The following FBXW7 variants were observed in gnomAD, a reference collection of about 807,000 sequenced individuals.
FBXW7 encodes the protein F-box and WD repeat domain containing 7.
In FBXW7, 11 loss-of-function variants were observed where a neutral mutation model predicts 86.3. The observed-to-expected ratio is 0.13, with a 90% confidence interval of 0.08 to 0.21. FBXW7 has a LOEUF of 0.21. Among genes scored for constraint, FBXW7 ranks in the 10% least tolerant of loss-of-function variants. The probability of loss-of-function intolerance (pLI) is 1.00; values close to 1 mark genes in which losing one functional copy is unlikely to be tolerated. For synonymous variants in FBXW7, 313 were observed against 297.9 expected (o/e 1.05, Z -0.52); for missense variants, 488 against 847.4 (o/e 0.58, Z 5.27).
chr4:152,370,445 T>TG (rs1247905646), intron 4 of FBXW7, among the ~76,000 whole-genome samples: 1 of 151,916 alleles, frequency 6.6e-6, no homozygotes, highest in Non-Finnish European at 1.5e-5. Context: ...ATGTATGGGG[T>TG]GGGGAGTGCT....
chr4:152,474,108 G>T (rs1324726828), intron 2 of FBXW7, among the ~76,000 whole-genome samples: 1 of 152,114 alleles, frequency 6.6e-6, no homozygotes, highest in East Asian at 1.9e-4. Flanking sequence ...AACCTAAATA[G>T]CCCACAGAAT....
At chr4:152,454,139 T>TA (rs1183164172) in intron 2 of FBXW7, among the ~76,000 whole-genome samples, 2 of 152,072 alleles carry the variant, frequency 1.3e-5, no homozygotes, top group African/African-American at 4.8e-5. Flanking sequence ...CATCTTATTT[T>TA]AAAAATGTAT....
At chr4:152,366,340 C>G (rs548587521) in intron 4 of FBXW7, among the ~76,000 whole-genome samples, 20 of 152,272 alleles carry the variant, frequency 1.3e-4, no homozygotes, top group African/African-American at 4.1e-4. Flanking sequence ...AAATGCCCAA[C>G]AGAATCTAAA....
intron 2 of FBXW7, among the ~76,000 whole-genome samples, chr4:152,450,497 C>T (rs1741814737): frequency 6.6e-6 from 1 of 152,198 alleles, no homozygotes; most frequent in South Asian, 2.1e-4. Context: ...CTCTGTCACA[C>T]TTTCAGATGC....
At chr4:152,451,840 T>C (rs1161629733) in intron 2 of FBXW7, 1 of 151,950 alleles carries the variant, frequency 6.6e-6, no homozygotes, top group African/African-American at 2.4e-5. Context: ...TGACACTATA[T>C]TTTAAAAATT....
chr4:152,442,679 A>T (rs1741006207), intron 2 of FBXW7, among the ~76,000 whole-genome samples: 1 of 152,214 alleles, frequency 6.6e-6, no homozygotes, highest in Non-Finnish European at 1.5e-5. Flanking sequence ...AGCAATAATG[A>T]CTCATTATAT....
At chr4:152,342,040 T>G (rs1730795591) in intron 6 of FBXW7, among the ~76,000 whole-genome samples, 1 of 151,848 alleles carries the variant, frequency 6.6e-6, no homozygotes. Flanking sequence ...AAAGTGGTTG[T>G]CTCAGAAAAG....
At position 152,322,252 on chromosome 4, in the gene FBXW7, T is replaced by G. The variant is rs368407115; in HGVS notation, c.*629A>C. The G allele has an allele frequency of 4.3e-6, 1 of 229,948 alleles. No homozygotes were observed. The highest frequency in any genetic ancestry group is 2.3e-5 in the African/African-American group (1 of 43,992). The allele number at this position is 229,948 out of a possible 1,614,324, so 14.2% of individuals were successfully genotyped here. On this transcript the variant is annotated 3_prime_UTR_variant, in exon 14 of 14. Coordinates refer to ENST00000281708, the MANE Select transcript of FBXW7 (RefSeq NM_001349798.2). ...TTTGAGCAACATATGCATTGAAGAA[T>G]GTATATGGAAGCAACAGTAAATAGA...
intron 2 of FBXW7, among the ~76,000 whole-genome samples, chr4:152,475,974 TCAA>T (rs1477505804): frequency 1.3e-5 from 2 of 152,168 alleles, no homozygotes; most frequent in East Asian, 3.8e-4. Flanking sequence ...TTTGTAGCTA[TCAA>T]CAAGCTGATT....
intron 4 of FBXW7, among the ~76,000 whole-genome samples, chr4:152,406,285 A>G (rs1737416539): frequency 6.6e-6 from 1 of 152,206 alleles, no homozygotes; most frequent in Non-Finnish European, 1.5e-5. Context: ...TTAGTCTACA[A>G]TGAAACCTCA....
chr4:152,480,437 T>C (rs1320288827), intron 2 of FBXW7, among the ~76,000 whole-genome samples: 2 of 152,034 alleles, frequency 1.3e-5, no homozygotes, highest in South Asian at 2.1e-4. Flanking sequence ...CAAAACAACA[T>C]TGAAATTTGT....
At chr4:152,393,448 G>C (rs919628272) in intron 4 of FBXW7, among the ~76,000 whole-genome samples, 1 of 151,990 alleles carries the variant, frequency 6.6e-6, no homozygotes, top group Admixed American at 6.6e-5. Flanking sequence ...TCTATACCAA[G>C]TAACAGAGTA....
chr4:152,451,061 A>G (rs902997583), intron 2 of FBXW7, among the ~76,000 whole-genome samples: 4 of 152,352 alleles, frequency 2.6e-5, no homozygotes. Context: ...GGTTGCAGAT[A>G]GATGGAGCTG....
rs556914172 is a variant in FBXW7 at position 152,427,932 on chromosome 4, A to G, written c.-119-15403T>C. ...GGTCTGACCTTTCAGACCTCCTGCA[A>G]AAGGTTCAGCAACCAGTGGTCCCCA... On this transcript the variant is annotated intron_variant, in intron 2 of 13. Coordinates refer to ENST00000281708, the MANE Select transcript of FBXW7 (RefSeq NM_001349798.2). Among the ~76,000 whole-genome samples, 7 of 152,294 alleles carry G rather than the reference A, an allele frequency of 4.6e-5. No individual in the cohort carries two copies. In the South Asian group the frequency reaches 1.2e-3, roughly 27 times the overall value.
chr4:152,411,961 T>C, intron 3 of FBXW7, 89 bp from the exon 4 acceptor site: 1 of 1,222,554 alleles, frequency 8.2e-7, no homozygotes, highest in Non-Finnish European at 1.1e-6. Context: ...CTAAATATCA[T>C]TAATGATTGC....
At chr4:152,477,534 GA>G (rs1560947023) in intron 2 of FBXW7, among the ~76,000 whole-genome samples, 2 of 151,978 alleles carry the variant, frequency 1.3e-5, no homozygotes, top group Non-Finnish European at 2.9e-5. Context: ...AAATTTGGGG[GA>G]AAAAATAGTA....
intron 2 of FBXW7, among the ~76,000 whole-genome samples, chr4:152,428,116 C>T (rs1739545709): frequency 6.6e-6 from 1 of 152,072 alleles, no homozygotes; most frequent in African/African-American, 2.4e-5. Context: ...GTAGGAAGTA[C>T]CCAAAATGAG....
At chr4:152,353,400 T>TA (rs1279832530) in intron 4 of FBXW7, among the ~76,000 whole-genome samples, 1 of 152,212 alleles carries the variant, frequency 6.6e-6, no homozygotes, top group African/African-American at 2.4e-5. Context: ...ATTGATTTAA[T>TA]AAAAACATTG....
At chr4:152,533,416 C>T (rs1414201755) in intron 2 of FBXW7, among the ~76,000 whole-genome samples, 3 of 152,076 alleles carry the variant, frequency 2.0e-5, no homozygotes, top group East Asian at 1.9e-4. Flanking sequence ...AAACAGAATA[C>T]GTGACTCTGA....
Sources: allele counts gnomAD v4.1 joint callset (sites outside exome capture counted in the v4.1 genomes callset), GRCh38; gene constraint gnomAD v4.1.1; transcripts MANE v1.5; gene names NCBI Gene and HGNC (gene_info 2026-07-23, HGNC 2026-07-21).